The following PELO variants were observed in gnomAD, a reference collection of about 807,000 sequenced individuals.
The protein encoded by PELO is protein pelota homolog.
A neutral mutation model predicts 25.9 loss-of-function variants in PELO; 19 were observed. That is an observed-to-expected ratio of 0.73 (90% confidence interval 0.51 to 1.08). The LOEUF is 1.08. PELO is among the 50% of genes least tolerant of loss of function. PELO has a pLI of 0.00. For synonymous variants in PELO, 196 were observed against 192.2 expected (o/e 1.02, Z -0.16); for missense variants, 498 against 491.4 (o/e 1.01, Z -0.13).
At position 52,788,380 on chromosome 5, in the gene PELO, A is replaced by T. The variant is rs545818156; in HGVS notation, c.-545A>T. 6.9e-5 allele frequency: 105 copies of T among 1,512,604 alleles called. No individual in the cohort carries two copies. The African/African-American group carries it at 1.3e-3, about 18-fold the overall frequency. 93.7% of individuals were successfully genotyped at this position (1,512,604 alleles called of 1,614,324 possible). On this transcript the variant is annotated 5_prime_UTR_variant, in exon 1 of 3. Transcript: ENST00000274311. ...TGGCCCCTCGGCCCCGCGCCCGCCC[A>T]GGGGTCGCTGTCGCCTGCTGCTGGC...
intron 1 of PELO, among the ~76,000 whole-genome samples, chr5:52,794,344 ATTATT>A (rs1748298161): frequency 6.6e-6 from 1 of 151,974 alleles, no homozygotes; most frequent in Non-Finnish European, 1.5e-5. Context: ...TACTTTCAAA[ATTATT>A]TTATTAATTA....
rs1431769936 is a variant in PELO, at chr5:52,788,209, C to A, written c.-716C>A. Reference sequence around the variant, plus strand: ...CGAAAACACAGGAAATCACTCCTCTCCCGCTCCTGGGCGCCGCTGCCACTG... The same window carrying A: ...CGAAAACACAGGAAATCACTCCTCTACCGCTCCTGGGCGCCGCTGCCACTG... On this transcript the variant is annotated 5_prime_UTR_variant, in exon 1 of 3. Transcript: ENST00000274311. 4 of 533,362 alleles carry A rather than the reference C, an allele frequency of 7.5e-6. No individual in the cohort carries two copies. In the South Asian group the frequency reaches 1.1e-4, roughly 14 times the overall value. 33.0% of individuals were successfully genotyped at this position (533,362 alleles called of 1,614,324 possible).
chr5:52,792,411 C>T (rs537358292), intron 1 of PELO, among the ~76,000 whole-genome samples: 7 of 152,222 alleles, frequency 4.6e-5, no homozygotes, highest in African/African-American at 1.2e-4. Context: ...AATGAATTCA[C>T]GGGATTTTTG....
chr5:52,788,335 C>A lies in PELO; in HGVS notation c.-590C>A. 6.7e-7 allele frequency: 1 copy of A among 1,496,822 alleles called. No individual in the cohort carries two copies. Among genetic ancestry groups the A allele is most frequent in the Non-Finnish European group, 8.9e-7 (1 of 1,128,706 alleles). The allele number at this position is 1,496,822 out of a possible 1,614,324, so 92.7% of individuals were successfully genotyped here. On this transcript the variant is annotated 5_prime_UTR_variant, in exon 1 of 3. Coordinates refer to ENST00000274311, the MANE Select transcript of PELO (RefSeq NM_015946.5). ...CCTGCGAACCAGCGCGGCCCCCTGGCGCTGAGGCTGCTCCGGCCATGGCCC... is the reference window on the plus strand; with the variant it reads ...CCTGCGAACCAGCGCGGCCCCCTGGAGCTGAGGCTGCTCCGGCCATGGCCC...
rs1407186811 is a variant in PELO at position 52,800,458 on chromosome 5, G to T, written c.64G>T (p.Glu22Ter). Reference protein sequence around the residue: ...NAGQVTLVPEEPEDMWHTYNL... With the variant: ...NAGQVTLVPE ...GGGCCAGGTGACCCTGGTCCCCGAG[G>T]AGCCTGAGGACATGTGGCACACTTA... Residue 22 changes from glutamate (E) to a stop codon, truncating the protein, a stop_gained, in exon 2 of 3, where the codon GAG becomes TAG. Transcript: ENST00000274311. LOFTEE classifies it high-confidence loss of function. 1.2e-6 allele frequency: 2 copies of T among 1,614,042 alleles called. No individual in the cohort carries two copies. The highest frequency in any genetic ancestry group is 1.7e-6 in the Non-Finnish European group (2 of 1,179,998).
At chr5:52,798,700 T>C (rs1379416502) in intron 1 of PELO, among the ~76,000 whole-genome samples, 1 of 152,064 alleles carries the variant, frequency 6.6e-6, no homozygotes, top group African/African-American at 2.4e-5. Flanking sequence ...CATAGACAAA[T>C]GGGGCAGGGG....
At position 52,800,443 on chromosome 5, in the gene PELO, A is replaced by G. The variant is rs1420819825; in HGVS notation, c.49A>G (p.Thr17Ala). 1.2e-6 allele frequency: 2 copies of G among 1,613,732 alleles called. No individual in the cohort carries two copies. The highest frequency in any genetic ancestry group is 1.7e-6 in the Non-Finnish European group (2 of 1,179,864). The change falls in exon 2 of 3, where the codon ACC becomes GCC. Residue 17 changes from threonine (T) to alanine (A), a missense_variant. By Grantham distance (58) the Thr-to-Ala change is moderately conservative. Transcript: ENST00000274311. Reference protein sequence around the residue: ...NIEKDNAGQVTLVPEEPEDMW... With the variant: ...NIEKDNAGQVALVPEEPEDMW... ...CGAGAAGGACAATGCGGGCCAGGTG[A>G]CCCTGGTCCCCGAGGAGCCTGAGGA...
chr5:52,801,755 A>G lies in PELO; in HGVS notation c.1073A>G (p.Gln358Arg). ...CACGTTTCTGGGGAACAGCTCAGCC[A>G]GTTGACTGGGGTAGCTGCCATTCTC... ...SLHVSGEQLS[Q>R]LTGVAAILRF... is the part of the protein sequence containing the mutation. Residue 358 changes from glutamine (Q) to arginine (R), a missense_variant, in exon 3 of 3, where the codon CAG becomes CGG. Transcript: ENST00000274311. 6.2e-7 allele frequency: 1 copy of G among 1,614,172 alleles called. No homozygotes were observed. Among genetic ancestry groups the G allele is most frequent in the Non-Finnish European group, 8.5e-7 (1 of 1,179,998 alleles).
intron 1 of PELO, among the ~76,000 whole-genome samples, chr5:52,795,361 A>C (rs939995869): frequency 1.3e-5 from 2 of 151,924 alleles, no homozygotes; most frequent in African/African-American, 4.8e-5. Flanking sequence ...AAGCCTTCCA[A>C]AATAAAATAC....
At chr5:52,791,027 GAAC>G (rs910761916) in intron 1 of PELO, among the ~76,000 whole-genome samples, 16 of 152,066 alleles carry the variant, frequency 1.1e-4, no homozygotes, top group African/African-American at 3.1e-4. Flanking sequence ...GTTTACATCA[GAAC>G]AACAAGCCAC....
Position 52,801,407 on chromosome 5 carries a change from A to G in PELO, c.727-2A>G, listed in dbSNP as rs1354494490. 6.2e-7 allele frequency: 1 copy of G among 1,606,022 alleles called. No homozygotes were observed. Among genetic ancestry groups the G allele is most frequent in the Admixed American group, 1.7e-5 (1 of 59,408 alleles). On this transcript the variant is annotated splice_acceptor_variant, in intron 2 of 2. Coordinates refer to ENST00000274311, the MANE Select transcript of PELO (RefSeq NM_015946.5). LOFTEE classifies it high-confidence loss of function. ...GCCTAACTTTTGTAATTGTGATTCT[A>G]GGTACATGCCTCCTCCGGACACAAG...
At chr5:52,792,865 A>G (rs530227851) in intron 1 of PELO, among the ~76,000 whole-genome samples, 1 of 152,322 alleles carries the variant, frequency 6.6e-6, no homozygotes, top group African/African-American at 2.4e-5. Context: ...TTGCCTATTC[A>G]GAGCAGTCTG....
chr5:52,788,452 CGGGCTTG>C, intron 1 of PELO, 38 bp downstream of exon 1: 1 of 1,452,252 alleles, frequency 6.9e-7, no homozygotes, highest in Non-Finnish European at 9.1e-7. Flanking sequence ...CTCCTGCTCG[CGGGCTTG>C]GGGCTTGGAG....
At chr5:52,788,594 A>G (rs1348180505) in intron 1 of PELO, among the ~76,000 whole-genome samples, 180 bp downstream of exon 1, 1 of 152,216 alleles carries the variant, frequency 6.6e-6, no homozygotes, top group African/African-American at 2.4e-5. Context: ...TGGTTTTGAT[A>G]TGAATTAGTT....
At chr5:52,791,498 C>T (rs1021460831) in intron 1 of PELO, among the ~76,000 whole-genome samples, 1 of 152,108 alleles carries the variant, frequency 6.6e-6, no homozygotes, top group Non-Finnish European at 1.5e-5. Flanking sequence ...CTCCTTTCCT[C>T]CCACCCTCTG....
chr5:52,792,436 A>G (rs1748259935), intron 1 of PELO, among the ~76,000 whole-genome samples: 1 of 152,234 alleles, frequency 6.6e-6, no homozygotes, highest in African/African-American at 2.4e-5. Context: ...TTTAGTAAAC[A>G]GGCAATGAGA....
rs1490441743 is a variant in PELO, at chr5:52,801,423, C to T, written c.741C>T (p.Ser247=). 3 of 1,612,000 alleles carry T rather than the reference C, an allele frequency of 1.9e-6. No homozygotes were observed. The highest frequency in any genetic ancestry group is 2.5e-6 in the Non-Finnish European group (3 of 1,178,550). Residue 247 remains serine (S), a synonymous_variant, in exon 3 of 3, where the codon TCC becomes TCT. Transcript: ENST00000274311. Reference sequence around the variant, plus strand: ...TGTGATTCTAGGTACATGCCTCCTCCGGACACAAGTACTCCCTGAAAGAGG... The same window carrying T: ...TGTGATTCTAGGTACATGCCTCCTCTGGACACAAGTACTCCCTGAAAGAGG... The part of the protein sequence containing the change: ...RSKFLQVHAS[S]GHKYSLKEAL...
rs774188716 is a variant in PELO, at chr5:52,800,732, C to T, written c.338C>T (p.Ala113Val). The T allele has an allele frequency of 6.2e-7, 1 of 1,614,226 alleles. No individual in the cohort carries two copies. The highest frequency in any genetic ancestry group is 8.5e-7 in the Non-Finnish European group (1 of 1,180,040). Residue 113 changes from alanine to valine, a missense_variant, in exon 2 of 3, where the codon GCC (alanine) becomes GTC (valine). Ala to Val is a moderately conservative substitution (Grantham distance 64, BLOSUM62 0). Transcript: ENST00000274311. ...GAGCCCAACCGCCAGTTCACCCTGG[C>T]CAAGAAGCAGTGGGATAGTGTGGTA... Reference protein sequence around the residue: ...ELEPNRQFTLAKKQWDSVVLE... With the variant: ...ELEPNRQFTLVKKQWDSVVLE...
rs1342384897 is a variant in PELO, at chr5:52,800,118, T to G, written c.-277T>G. 5 of 405,170 alleles carry G rather than the reference T, an allele frequency of 1.2e-5. No individual in the cohort carries two copies. The highest frequency in any genetic ancestry group is 2.2e-5 in the Non-Finnish European group (5 of 222,758). 25.1% of individuals were successfully genotyped at this position (405,170 alleles called of 1,614,324 possible). On this transcript the variant is annotated 5_prime_UTR_variant, in exon 2 of 3. Coordinates refer to ENST00000274311, the MANE Select transcript of PELO (RefSeq NM_015946.5). ...TTCATTTCGTCAGCCCGCTGTTGCG[T>G]GCTGCCAGCGGGAACTGTGTAGGGG...
Sources: allele counts gnomAD v4.1 joint callset (sites outside exome capture counted in the v4.1 genomes callset), GRCh38; gene constraint gnomAD v4.1.1; transcripts MANE v1.5; gene names NCBI Gene and HGNC (gene_info 2026-07-23, HGNC 2026-07-21).